SGIP1: variants seen among roughly 807,000 people sequenced by gnomAD.
SGIP1 encodes SH3-containing GRB2-like protein 3-interacting protein 1.
In SGIP1, 38 loss-of-function variants were observed where a neutral mutation model predicts 107.5. That is an observed-to-expected ratio of 0.35 (90% CI 0.27 to 0.46). The LOEUF (loss-of-function observed/expected upper bound fraction) is 0.46. SGIP1 is among the 20% of genes least tolerant of loss of function. SGIP1 has a pLI of 1.00. For synonymous variants in SGIP1, 365 were observed against 366.1 expected, an observed-to-expected ratio of 1.00 and a Z score of 0.03; for missense variants, 929 against 1,019.5, an observed-to-expected ratio of 0.91 and a Z score of 1.21.
intron 19 of SGIP1, 25 bp downstream of exon 19, chr1:66,719,430 T>A: frequency 6.3e-7 from 1 of 1,585,282 alleles, no homozygotes; most frequent in South Asian, 1.1e-5. Context: ...TGGTCCATTG[T>A]ACTTTCTGAG....
intron 1 of SGIP1, among the ~76,000 whole-genome samples, chr1:66,583,244 C>A (rs1245776284): frequency 1.3e-5 from 2 of 152,084 alleles, no homozygotes; most frequent in Non-Finnish European, 2.9e-5. Flanking sequence ...GAGCCATTAG[C>A]GCTTTTCCTA....
chr1:66,695,564 C>A, intron 18 of SGIP1, 71 bp downstream of exon 18: 3 of 1,474,164 alleles, frequency 2.0e-6, no homozygotes, highest in East Asian at 2.3e-5. Context: ...TTTGCATTTC[C>A]AAATCCCAGT....
rs541921387 is a variant in SGIP1, at chr1:66,733,970, A to C, written c.2031+90A>C. 2.4e-5 allele frequency: 32 copies of C among 1,352,392 alleles called. 1 individual carries two copies. In the Middle Eastern group the frequency reaches 8.9e-4, roughly 38 times the overall value. 83.8% of individuals were successfully genotyped at this position (1,352,392 alleles called of 1,614,324 possible). On this transcript the variant is annotated intron_variant, in intron 21 of 24. Coordinates refer to ENST00000371037, the MANE Select transcript of SGIP1 (RefSeq NM_032291.4). ...ATTGAATAAAAGTAACTAAAGTAACACTTCTTTTAACAGTATTTAAAAGCT... is the reference window on the plus strand; with the variant it reads ...ATTGAATAAAAGTAACTAAAGTAACCCTTCTTTTAACAGTATTTAAAAGCT...
At chr1:66,689,633 A>G (rs917844432) in intron 16 of SGIP1, among the ~76,000 whole-genome samples, 9 of 152,260 alleles carry the variant, frequency 5.9e-5, no homozygotes, top group Admixed American at 5.9e-4. Context: ...CAGAATACAG[A>G]TGACATATTG....
intron 18 of SGIP1, chr1:66,704,631 G>A (rs1156697100): frequency 2.6e-5 from 4 of 152,202 alleles, no homozygotes; most frequent in Non-Finnish European, 4.4e-5. Context: ...TGCAATCGCT[G>A]GCTGATGACC....
At chr1:66,553,674 CAAA>C (rs112976290) in intron 1 of SGIP1, among the ~76,000 whole-genome samples, 10 of 95,098 alleles carry the variant, frequency 1.1e-4, no homozygotes, top group South Asian at 3.2e-4. Flanking sequence ...AGACTCCAGT[CAAA>C]AAAAAAAAAA....
chr1:66,696,584 A>G (rs543017626), intron 18 of SGIP1, among the ~76,000 whole-genome samples: 1 of 152,344 alleles, frequency 6.6e-6, no homozygotes, highest in South Asian at 2.1e-4. Flanking sequence ...TGCTTGCAAG[A>G]TAGTCATAGA....
rs2094579581 is a variant in SGIP1 at position 66,748,272 on chromosome 1, C to T, written c.*5177C>T. On this transcript the variant is annotated 3_prime_UTR_variant, in exon 25 of 25. Coordinates refer to ENST00000371037, the MANE Select transcript of SGIP1 (RefSeq NM_032291.4). ...TGAGATAGGAGTACATTGCTTAAGT[C>T]TCTAAATATTAAAAACAACAACAAA... The T allele has an allele frequency of 6.6e-6, 1 of 151,912 alleles. No homozygotes were observed. Among genetic ancestry groups the T allele is most frequent in the African/African-American group, 2.4e-5 (1 of 41,416 alleles). 9.4% of individuals were successfully genotyped at this position (151,912 alleles called of 1,614,324 possible).
chr1:66,729,541 T>C, intron 20 of SGIP1, 122 bp downstream of exon 20: 1 of 1,284,716 alleles, frequency 7.8e-7, no homozygotes, highest in East Asian at 2.4e-5. Context: ...CTCAGATATA[T>C]TTGTAGATTC....
At chr1:66,613,860 T>G (rs2068590843) in intron 1 of SGIP1, among the ~76,000 whole-genome samples, 1 of 152,208 alleles carries the variant, frequency 6.6e-6, no homozygotes, top group African/African-American at 2.4e-5. Flanking sequence ...ATGTTGTATC[T>G]CTAGTTAGAA....
intron 1 of SGIP1, among the ~76,000 whole-genome samples, chr1:66,608,645 T>C (rs905086245): frequency 6.6e-6 from 1 of 152,190 alleles, no homozygotes; most frequent in Non-Finnish European, 1.5e-5. Flanking sequence ...TCATTTCCCC[T>C]CTGGCAGCTC....
chr1:66,644,563 T>C (rs888827681), intron 7 of SGIP1, among the ~76,000 whole-genome samples: 6 of 104,788 alleles, frequency 5.7e-5, no homozygotes, highest in Non-Finnish European at 9.0e-5. Context: ...TTTAGAGAGA[T>C]GTGATCTCGT....
chr1:66,614,363 G>A (rs941288441), intron 1 of SGIP1, among the ~76,000 whole-genome samples: 2 of 152,180 alleles, frequency 1.3e-5, no homozygotes, highest in Non-Finnish European at 2.9e-5. Context: ...GTGAATTTAT[G>A]TTACCTATTG....
chr1:66,715,325 G>A (rs1277383412), intron 18 of SGIP1, among the ~76,000 whole-genome samples: 2 of 152,126 alleles, frequency 1.3e-5, no homozygotes, highest in Non-Finnish European at 2.9e-5. Context: ...AGAAATTAGG[G>A]TTGTAAATTT....
chr1:66,604,603 T>A (rs2066473263), intron 1 of SGIP1, among the ~76,000 whole-genome samples: 1 of 152,198 alleles, frequency 6.6e-6, no homozygotes, highest in Admixed American at 6.5e-5. Flanking sequence ...TCTCATCCAA[T>A]GGTAAATAGA....
intron 2 of SGIP1, among the ~76,000 whole-genome samples, chr1:66,629,864 A>G (rs1201527392): frequency 6.6e-6 from 1 of 152,200 alleles, no homozygotes; most frequent in Non-Finnish European, 1.5e-5. Context: ...ATGAGCATTT[A>G]CTATGTTCTA....
At chr1:66,617,332 G>A (rs1007349400) in intron 1 of SGIP1, among the ~76,000 whole-genome samples, 1 of 152,000 alleles carries the variant, frequency 6.6e-6, no homozygotes, top group Non-Finnish European at 1.5e-5. Flanking sequence ...AAAATCACTG[G>A]ACCAACTGGC....
At chr1:66,705,291 G>T (rs2092390109) in intron 18 of SGIP1, among the ~76,000 whole-genome samples, 1 of 152,196 alleles carries the variant, frequency 6.6e-6, no homozygotes, top group African/African-American at 2.4e-5. Flanking sequence ...TGTGCTGTGT[G>T]TGTTTACAAC....
rs2068368377 is a variant in SGIP1, at chr1:66,613,060, A to G, written c.11-12787A>G. Among the ~76,000 whole-genome samples the G allele has an allele frequency of 1.3e-5, 2 of 152,236 alleles. 1 individual carries two copies. The highest frequency in any genetic ancestry group is 4.8e-5 in the African/African-American group (2 of 41,458). On this transcript the variant is annotated intron_variant, in intron 1 of 24. Transcript: ENST00000371037. ...TCATAATTTAAATGCTAGCTTTTAAACAAGTATACAGCATAGTACTTTTAA... is the reference window on the plus strand; with the variant it reads ...TCATAATTTAAATGCTAGCTTTTAAGCAAGTATACAGCATAGTACTTTTAA...
Sources: allele counts gnomAD v4.1 joint callset (sites outside exome capture counted in the v4.1 genomes callset), GRCh38; gene constraint gnomAD v4.1.1; transcripts MANE v1.5; gene names NCBI Gene and HGNC (gene_info 2026-07-23, HGNC 2026-07-21).